The following ETS1 variants were observed in gnomAD, a reference collection of about 807,000 sequenced individuals.
ETS1 encodes the protein ETS proto-oncogene 1, transcription factor, also known as protein C-ets-1.
A neutral mutation model predicts 58.6 loss-of-function variants in ETS1; 15 were observed. The observed-to-expected ratio is 0.26, with a 90% confidence interval of 0.17 to 0.39. The LOEUF is 0.39. Ranked by LOEUF, ETS1 falls within the 10% of genes least tolerant of loss-of-function variation. The pLI, the probability that ETS1 is intolerant of heterozygous loss-of-function variation, is 1.00. For missense variants in ETS1, 417 were observed against 610.5 expected (o/e 0.68, Z 3.34); for synonymous variants, 214 against 218.2 (o/e 0.98, Z 0.17).
At position 128,482,890 on chromosome 11, in the gene ETS1, A is replaced by G. The variant is rs185748657; in HGVS notation, c.862+1933T>C. Reference sequence around the variant, plus strand: ...AAGATGCGGCAGCACCCAGCCACCCACTGAGTAGACTCGTACAAAGACAGT... The same window carrying G: ...AAGATGCGGCAGCACCCAGCCACCCGCTGAGTAGACTCGTACAAAGACAGT... On this transcript the variant is annotated intron_variant, in intron 7 of 9. Transcript: ENST00000392668. 1.4e-3 allele frequency among the ~76,000 whole-genome samples: 211 copies of G among 152,280 alleles called. 1 individual carries two copies. Among genetic ancestry groups the G allele is most frequent in the Admixed American group, 2.7e-3 (41 of 15,298 alleles).
At position 128,460,341 on chromosome 11, in the gene ETS1, A is replaced by G. The variant is rs1356803538; in HGVS notation, c.*2020T>C. 1 of 152,772 alleles carries G rather than the reference A, an allele frequency of 6.5e-6. No individual in the cohort carries two copies. The allele number at this position is 152,772 out of a possible 1,614,324, so 9.5% of individuals were successfully genotyped here. A position where few individuals can be genotyped will look rare whatever the true frequency, so the allele number is the denominator to read the frequency against. ...GCTTTCCATATGGATGCTCCAATTC[A>G]TCAGTATGGGGACACTCATGAATCA... On this transcript the variant is annotated 3_prime_UTR_variant, in exon 10 of 10. Transcript: ENST00000392668.
chr11:128,490,599 A>T, intron 3 of ETS1, 23 bp from the exon 4 acceptor site: 2 of 1,592,760 alleles, frequency 1.3e-6, no homozygotes, highest in Non-Finnish European at 1.7e-6. Context: ...ATTGCATATG[A>T]ATAACAAAAA....
At chr11:128,513,501 C>A (rs1157815824) in intron 3 of ETS1, among the ~76,000 whole-genome samples, 2 of 152,202 alleles carry the variant, frequency 1.3e-5, no homozygotes, top group Non-Finnish European at 2.9e-5. Flanking sequence ...ATTTCATACA[C>A]AATATTTATT....
rs966419951 is a variant in ETS1 at position 128,525,359 on chromosome 11, C to T, written c.214+30932G>A. 2.0e-5 allele frequency among the ~76,000 whole-genome samples: 3 copies of T among 152,056 alleles called. No individual in the cohort carries two copies. The South Asian group carries it at 6.2e-4, about 32-fold the overall frequency. ...ATTTATACTCCTCCCTCAACTCCAC[C>T]CCAACTTCAATAAAAAAGAAATATA... is the stretch of plus-strand genomic sequence containing the variant. On this transcript the variant is annotated intron_variant, in intron 3 of 9. Coordinates refer to ENST00000392668, the MANE Select transcript of ETS1 (RefSeq NM_001143820.2).
intron 2 of ETS1, among the ~76,000 whole-genome samples, chr11:128,559,862 T>C (rs1036183902): frequency 3.3e-5 from 5 of 152,202 alleles, no homozygotes; most frequent in African/African-American, 1.2e-4. Flanking sequence ...CCCCACCTCA[T>C]TGCTTGAAAA....
At position 128,585,188 on chromosome 11, in the gene ETS1, AGG is replaced by A. The variant is rs1491383836; in HGVS notation, c.-15+2298_-15+2299del. 3.6e-4 allele frequency among the ~76,000 whole-genome samples: 15 copies of A among 41,754 alleles called. 1 individual carries two copies. Among genetic ancestry groups the A allele is most frequent in the East Asian group, 2.1e-3 (2 of 942 alleles). The allele number at this position is 41,754 out of a possible 152,430, so 27.4% of individuals were successfully genotyped here. On this transcript the variant is annotated intron_variant, in intron 1 of 9. Transcript: ENST00000392668. ...AGAAAGAGAAAGAAAGAAAGAAAGA[AGG>A]AAGGAAAGAAAGAAAGAAAGAAAGA...
chr11:128,478,038 T>C lies in ETS1; in HGVS notation c.1123+2153A>G, dbSNP rs562570304. On this transcript the variant is annotated intron_variant, in intron 8 of 9. Transcript: ENST00000392668. ...GGAGGAAACACAGAGGACTTCTGTT[T>C]TCTGGACTATTATTCTCGCCATCAC... Among the ~76,000 whole-genome samples, 6 of 152,278 alleles carry C rather than the reference T, an allele frequency of 3.9e-5. No homozygotes were observed. The East Asian group carries it at 1.2e-3, about 29-fold the overall frequency.
rs193020656 is a variant in ETS1, at chr11:128,558,560, G to A, written c.70-2125C>T. ...CTAGGGAGACTGAGGCAGGAGAATC[G>A]CTTGAACCTGGGAGGTGGAGTTTGC... On this transcript the variant is annotated intron_variant, in intron 2 of 9. Coordinates refer to ENST00000392668, the MANE Select transcript of ETS1 (RefSeq NM_001143820.2). Among the ~76,000 whole-genome samples the A allele has an allele frequency of 3.4e-4, 51 of 151,016 alleles. No individual in the cohort carries two copies. In the East Asian group the frequency reaches 5.4e-3, roughly 16 times the overall value.
At chr11:128,562,614 A>C (rs1864421588) in intron 2 of ETS1, among the ~76,000 whole-genome samples, 1 of 152,112 alleles carries the variant, frequency 6.6e-6, no homozygotes, top group African/African-American at 2.4e-5. Context: ...CCACCCATCT[A>C]ATCCTGGGAA....
At chr11:128,528,994 G>A (rs1438204144) in intron 3 of ETS1, 1 of 152,174 alleles carries the variant, frequency 6.6e-6, no homozygotes, top group Admixed American at 6.5e-5. Flanking sequence ...TATACATCAC[G>A]CTATTCATAT....
At chr11:128,550,759 C>T (rs1405309721) in intron 3 of ETS1, among the ~76,000 whole-genome samples, 1 of 152,196 alleles carries the variant, frequency 6.6e-6, no homozygotes, top group Non-Finnish European at 1.5e-5. Flanking sequence ...GTCCATGTTT[C>T]CCCATCTCCC....
chr11:128,489,826 G>A (rs1862746601), intron 4 of ETS1, among the ~76,000 whole-genome samples: 1 of 152,172 alleles, frequency 6.6e-6, no homozygotes, highest in Non-Finnish European at 1.5e-5. Flanking sequence ...GCCCTGAACA[G>A]AACAAATGGC....
At chr11:128,546,714 G>A (rs377526722) in intron 3 of ETS1, among the ~76,000 whole-genome samples, 1 of 152,036 alleles carries the variant, frequency 6.6e-6, no homozygotes, top group East Asian at 1.9e-4. Context: ...CCATGGATAC[G>A]AAGAGCCAAG....
Position 128,548,398 on chromosome 11 carries a change from G to A in ETS1, c.214+7893C>T, listed in dbSNP as rs148268916. 4.3e-3 allele frequency among the ~76,000 whole-genome samples: 647 copies of A among 151,948 alleles called. 2 individuals carry two copies. Among genetic ancestry groups the A allele is most frequent in the African/African-American group, 0.015 (610 of 41,406 alleles). ...GTGGGCACTATTATATTACAAATGAGGAAACTGAGGCTCAGAGGGTTCAGT... is the reference window on the plus strand; with the variant it reads ...GTGGGCACTATTATATTACAAATGAAGAAACTGAGGCTCAGAGGGTTCAGT... On this transcript the variant is annotated intron_variant, in intron 3 of 9. Transcript: ENST00000392668.
chr11:128,512,603 G>A (rs1047387616), intron 3 of ETS1, among the ~76,000 whole-genome samples: 9 of 152,366 alleles, frequency 5.9e-5, no homozygotes, highest in Non-Finnish European at 1.0e-4. Flanking sequence ...GTGGTTTCTT[G>A]TCCGGCTCCA....
intron 3 of ETS1, among the ~76,000 whole-genome samples, chr11:128,537,723 C>A (rs780739041): frequency 1.3e-5 from 2 of 152,062 alleles, no homozygotes; most frequent in Non-Finnish European, 2.9e-5. Flanking sequence ...ACCACTTATA[C>A]GTGTATATTG....
At chr11:128,585,020 GAAGAAAGAAAGA>G (rs1449353019) in intron 1 of ETS1, among the ~76,000 whole-genome samples, 478 of 15,890 alleles carry the variant, frequency 0.03, 69 homozygotes, top group East Asian at 0.055. Flanking sequence ...AGGAAAGAAA[GAAGAAAGAAAGA>G]AAAGAAAGAA....
intron 3 of ETS1, among the ~76,000 whole-genome samples, chr11:128,523,921 A>AG (rs1395597199): frequency 1.3e-5 from 2 of 152,182 alleles, no homozygotes; most frequent in Admixed American, 1.3e-4. Context: ...TGAACCACAA[A>AG]AAAAAAAAGG....
At chr11:128,521,000 A>G (rs1863652570) in intron 3 of ETS1, among the ~76,000 whole-genome samples, 1 of 151,982 alleles carries the variant, frequency 6.6e-6, no homozygotes, top group Non-Finnish European at 1.5e-5. Context: ...CTCCAAAATC[A>G]CTCATCTCTA....
Sources: allele counts gnomAD v4.1 joint callset (sites outside exome capture counted in the v4.1 genomes callset), GRCh38; gene constraint gnomAD v4.1.1; transcripts MANE v1.5; gene names NCBI Gene and HGNC (gene_info 2026-07-23, HGNC 2026-07-21).